HOXD11: variants seen among roughly 807,000 people sequenced by gnomAD.
HOXD11 encodes homeobox protein Hox-D11.
A neutral mutation model predicts 23.1 loss-of-function variants in HOXD11; 16 were observed. The observed-to-expected ratio is 0.69, with a 90% CI of 0.47 to 1.05. The LOEUF is 1.05. Ranked by LOEUF, HOXD11 falls within the 50% of genes least tolerant of loss-of-function variation. The pLI, the probability that HOXD11 is intolerant of heterozygous loss-of-function variation, is 0.00. For synonymous variants in HOXD11, 262 were observed against 224.4 expected (o/e 1.17, Z -1.50); for missense variants, 564 against 495.6 (o/e 1.14, Z -1.31).
At chr2:176,113,730 CA>C (rs1689709191), downstream of HOXD11, among the ~76,000 whole-genome samples, 1 of 152,060 alleles carries the variant, frequency 6.6e-6, no homozygotes, top group African/African-American at 2.4e-5. Context: ...GGTCTGAAAG[CA>C]GAAATTTTAA....
chr2:176,109,441 G>C lies in HOXD11; in HGVS notation c.*299G>C, dbSNP rs993440854. 2.8e-6 allele frequency: 1 copy of C among 362,134 alleles called. No homozygotes were observed. Among genetic ancestry groups the C allele is most frequent in the Non-Finnish European group, 5.0e-6 (1 of 198,114 alleles). The allele number at this position is 362,134 out of a possible 1,614,324, so 22.4% of individuals were successfully genotyped here. On this transcript the variant is annotated 3_prime_UTR_variant, in exon 2 of 2. Transcript: ENST00000249504. Reference sequence around the variant, plus strand: ...CCTCTCCGAGTCCTCGTGGGGACACGGCGGGGTCTGTAGGAAGTTGGGCCG... The same window carrying C: ...CCTCTCCGAGTCCTCGTGGGGACACCGCGGGGTCTGTAGGAAGTTGGGCCG...
the HOXD11 span, among the ~76,000 whole-genome samples, chr2:176,115,441 T>C: frequency 2.0e-5 from 3 of 152,258 alleles, no homozygotes; most frequent in Non-Finnish European, 4.4e-5. Context: ...TAATTTTCAA[T>C]AATTCATAAA....
In HOXD11 at chr2:176,109,451, G is replaced by T. The variant is rs1689645542; in HGVS notation, c.*309G>T. 2.9e-6 allele frequency: 1 copy of T among 345,576 alleles called. No homozygotes were observed. Among genetic ancestry groups the T allele is most frequent in the Admixed American group, 4.4e-5 (1 of 22,520 alleles). 21.4% of individuals were successfully genotyped at this position (345,576 alleles called of 1,614,324 possible). Reference sequence around the variant, plus strand: ...TCCTCGTGGGGACACGGCGGGGTCTGTAGGAAGTTGGGCCGGGTTGGGGGT... The same window carrying T: ...TCCTCGTGGGGACACGGCGGGGTCTTTAGGAAGTTGGGCCGGGTTGGGGGT... On this transcript the variant is annotated 3_prime_UTR_variant, in exon 2 of 2. Transcript: ENST00000249504.
chr2:176,107,754 G>A lies in HOXD11; in HGVS notation c.399G>A (p.Ala133=). The A allele has an allele frequency of 3.3e-6, 4 of 1,210,752 alleles. No individual in the cohort carries two copies. Among genetic ancestry groups the A allele is most frequent in the South Asian group, 3.7e-5 (1 of 27,044 alleles). 75.0% of individuals were successfully genotyped at this position (1,210,752 alleles called of 1,614,324 possible). ...AAMQRELLPP[A]GRRPDVLFKA... ...TGCAACGCGAGCTTCTCCCGCCCGCGGGCCGCCGGCCGGACGTGCTCTTCA... is the reference window on the plus strand; with the variant it reads ...TGCAACGCGAGCTTCTCCCGCCCGCAGGCCGCCGGCCGGACGTGCTCTTCA... The change falls in exon 1 of 2, where the codon GCG becomes GCA. Residue 133 remains alanine, a synonymous_variant. Transcript: ENST00000249504.
downstream of HOXD11, among the ~76,000 whole-genome samples, chr2:176,110,670 GTTC>G (rs1284022126): frequency 6.6e-6 from 1 of 152,120 alleles, no homozygotes; most frequent in Admixed American, 6.5e-5. Context: ...GGCGCCTTAA[GTTC>G]TTCTTGATTT....
chr2:176,111,606 C>G (rs1689673383), downstream of HOXD11: 1 of 151,010 alleles, frequency 6.6e-6, no homozygotes, highest in African/African-American at 2.4e-5. Flanking sequence ...CACGAAACAG[C>G]CTAATCTTTG....
Position 176,109,133 on chromosome 2 carries a change from C to G in HOXD11, c.1008C>G (p.Pro336=). Residue 336 remains proline, a synonymous_variant, in exon 2 of 2, where the codon CCC becomes CCG. Coordinates refer to ENST00000249504, the MANE Select transcript of HOXD11 (RefSeq NM_021192.3). ...GTCTGCAGTATTTCACTGGAAACCCCTTATTTTGAGAGCTCCAGGAAGCGC... is the reference window on the plus strand; with the variant it reads ...GTCTGCAGTATTTCACTGGAAACCCGTTATTTTGAGAGCTCCAGGAAGCGC... ...RDRLQYFTGN[P]LF 6.2e-7 allele frequency: 1 copy of G among 1,610,040 alleles called. No individual in the cohort carries two copies. The highest frequency in any genetic ancestry group is 2.2e-5 in the East Asian group (1 of 44,860).
chr2:176,107,454 G>T lies in HOXD11; in HGVS notation c.99G>T (p.Ser33=), dbSNP rs1160074946. The change falls in exon 1 of 2, where the codon TCG becomes TCT. Residue 33 remains serine (S), a synonymous_variant. Transcript: ENST00000249504. ...VAPSDFASKP[S]FLSQPSSCQM... ...CGTCTGACTTCGCTAGCAAGCCTTC[G>T]TTCCTTTCCCAACCGTCGTCCTGCC... is the stretch of plus-strand genomic sequence containing the variant. The T allele has an allele frequency of 1.2e-6, 2 of 1,613,964 alleles. No homozygotes were observed. Among genetic ancestry groups the T allele is most frequent in the East Asian group, 2.2e-5 (1 of 44,840 alleles).
chr2:176,111,016 C>G (rs372518134), downstream of HOXD11, among the ~76,000 whole-genome samples: 1 of 152,230 alleles, frequency 6.6e-6, no homozygotes, highest in Non-Finnish European at 1.5e-5. Context: ...AGAGGAAGTT[C>G]TGTGCAGCCT....
chr2:176,115,138 TA>T, the HOXD11 span, among the ~76,000 whole-genome samples: 7 of 119,482 alleles, frequency 5.9e-5, no homozygotes, highest in African/African-American at 4.8e-4. Flanking sequence ...TCCATGGTGG[TA>T]GTGGTGGTAG....
chr2:176,113,887 C>T (rs59424798), downstream of HOXD11, among the ~76,000 whole-genome samples: 302 of 152,206 alleles, frequency 2.0e-3, no homozygotes, highest in African/African-American at 5.9e-3. Context: ...TGGAAAGGTC[C>T]CCAAATTCTG....
In HOXD11 at chr2:176,107,851, A is replaced by G; in HGVS notation, c.496A>G (p.Ser166Gly). Reference sequence around the variant, plus strand: ...CGCGGGCGCCGCCTCCAACTTCTACAGCGCGGTGGGCCGCAATGGCATCTT... The same window carrying G: ...CGCGGGCGCCGCCTCCAACTTCTACGGCGCGGTGGGCCGCAATGGCATCTT... The part of the protein sequence containing the change: ...GPAGAASNFY[S>G]AVGRNGILPQ... Residue 166 changes from serine to glycine, a missense_variant, in exon 1 of 2, where the codon AGC (serine) becomes GGC (glycine). Physicochemically the swap from Ser to Gly is moderately conservative, Grantham distance 56. Transcript: ENST00000249504. The G allele has an allele frequency of 6.9e-7, 1 of 1,446,668 alleles. No homozygotes were observed. The highest frequency in any genetic ancestry group is 9.1e-7 in the Non-Finnish European group (1 of 1,097,012). The allele number at this position is 1,446,668 out of a possible 1,614,324, so 89.6% of individuals were successfully genotyped here.
Position 176,109,208 on chromosome 2 carries a change from C to CGGAGA in HOXD11, c.*67_*68insGAGAG. 2.2e-6 allele frequency: 2 copies of CGGAGA among 928,302 alleles called. No individual in the cohort carries two copies. The highest frequency in any genetic ancestry group is 3.5e-6 in the Non-Finnish European group (2 of 568,120). 57.5% of individuals were successfully genotyped at this position (928,302 alleles called of 1,614,324 possible). Reference sequence around the variant, plus strand: ...CCCTCCTTCCCACCAGCCTGCTCTCCGCAGGCCCACTGTCCTTGGGTTTAA... The same window carrying CGGAGA: ...CCCTCCTTCCCACCAGCCTGCTCTCCGGAGAGCAGGCCCACTGTCCTTGGGTTTAA... On this transcript the variant is annotated 3_prime_UTR_variant, in exon 2 of 2. Coordinates refer to ENST00000249504, the MANE Select transcript of HOXD11 (RefSeq NM_021192.3).
At position 176,108,078 on chromosome 2, in the gene HOXD11, C is replaced by A; in HGVS notation, c.723C>A (p.Ser241Arg). Residue 241 changes from serine to arginine, a missense_variant, in exon 1 of 2, where the codon AGC (serine) becomes AGA (arginine). Physicochemically the swap from Ser to Arg is moderately radical, Grantham distance 110. Transcript: ENST00000249504. ...AGCCCAAGGGGGCAGCAGAAGGCAG[C>A]GGTGGCGACGGCGAGGGCCCCCCGG... ...GSEPKGAAEG[S>R]GGDGEGPPGE... is the part of the protein sequence containing the mutation. The A allele has an allele frequency of 2.2e-6, 3 of 1,393,294 alleles. No homozygotes were observed. The highest frequency in any genetic ancestry group is 2.6e-4 in the Middle Eastern group (1 of 3,800). The allele number at this position is 1,393,294 out of a possible 1,614,324, so 86.3% of individuals were successfully genotyped here. A position where few individuals can be genotyped will look rare whatever the true frequency, so the allele number is the denominator to read the frequency against.
downstream of HOXD11, among the ~76,000 whole-genome samples, chr2:176,113,696 G>C (rs1689706842): frequency 6.6e-6 from 1 of 151,974 alleles, no homozygotes; most frequent in Admixed American, 6.5e-5. Flanking sequence ...TCAAAATATT[G>C]ACAGTCTCTT....
chr2:176,112,926 G>A (rs1239332013), downstream of HOXD11, among the ~76,000 whole-genome samples: 4 of 152,224 alleles, frequency 2.6e-5, no homozygotes, highest in Non-Finnish European at 5.9e-5. Flanking sequence ...CAAAGTGTGT[G>A]GGGCTTGCGG....
intron 1 of HOXD11, among the ~76,000 whole-genome samples, chr2:176,108,594 C>T (rs1400163850): frequency 6.6e-6 from 1 of 152,074 alleles, no homozygotes. Context: ...GCTCTTGTCT[C>T]TGTTCCCTCA....
chr2:176,107,880 A>T lies in HOXD11; in HGVS notation c.525A>T (p.Pro175=). ...CGGTGGGCCGCAATGGCATCTTGCC[A>T]CAGGGCTTCGACCAGTTCTACGAGG... is the stretch of plus-strand genomic sequence containing the variant. The part of the protein sequence containing the change: ...YSAVGRNGIL[P]QGFDQFYEAA... The change falls in exon 1 of 2, where the codon CCA becomes CCT. Residue 175 remains proline, a synonymous_variant. Coordinates refer to ENST00000249504, the MANE Select transcript of HOXD11 (RefSeq NM_021192.3). 2 of 1,455,112 alleles carry T rather than the reference A, an allele frequency of 1.4e-6. No individual in the cohort carries two copies. The highest frequency in any genetic ancestry group is 1.3e-5 in the South Asian group (1 of 75,428). 90.1% of individuals were successfully genotyped at this position (1,455,112 alleles called of 1,614,324 possible). A position where few individuals can be genotyped will look rare whatever the true frequency, so the allele number is the denominator to read the frequency against.
rs200232040 is a variant in HOXD11 at position 176,109,165 on chromosome 2, C to T, written c.*23C>T. 1.9e-3 allele frequency: 2,810 copies of T among 1,442,882 alleles called. 26 individuals carry two copies. The Middle Eastern group carries it at 0.022, about 11-fold the overall frequency. 89.4% of individuals were successfully genotyped at this position (1,442,882 alleles called of 1,614,324 possible). ...TGAGAGCTCCAGGAAGCGCCCTCAC[C>T]CCAGCCCCACTCACCCACCCTCCTT... is the stretch of plus-strand genomic sequence containing the variant. On this transcript the variant is annotated 3_prime_UTR_variant, in exon 2 of 2. Transcript: ENST00000249504.
Sources: allele counts gnomAD v4.1 joint callset (sites outside exome capture counted in the v4.1 genomes callset), GRCh38; gene constraint gnomAD v4.1.1; transcripts MANE v1.5; gene names NCBI Gene and HGNC (gene_info 2026-07-23, HGNC 2026-07-21).